Variants in RNF152 observed in about 807,000 individuals in gnomAD.
The protein encoded by RNF152 is E3 ubiquitin-protein ligase RNF152.
Under a neutral mutation model 12.7 loss-of-function variants are expected in RNF152, and 11 were observed. The ratio of observed to expected loss-of-function variants is 0.86; its 90% CI spans 0.54 to 1.43. The LOEUF (loss-of-function observed/expected upper bound fraction) is 1.43. Among genes scored for constraint, RNF152 ranks in the 40% most tolerant of loss-of-function variants. The pLI, the probability that RNF152 is intolerant of heterozygous loss-of-function variation, is 0.00. For synonymous variants in RNF152, 113 were observed against 120.3 expected, an observed-to-expected ratio of 0.94 and a Z score of 0.40; for missense variants, 255 against 274.8, an observed-to-expected ratio of 0.93 and a Z score of 0.51.
chr18:61,849,428 G>A (rs142714696), intron 1 of RNF152, among the ~76,000 whole-genome samples: 45 of 152,232 alleles, frequency 3.0e-4, no homozygotes, highest in African/African-American at 1.0e-3. Flanking sequence ...GCCAATCCCT[G>A]AGCAATTACA....
intron 1 of RNF152, among the ~76,000 whole-genome samples, chr18:61,870,711 C>G (rs1911951336): frequency 6.6e-6 from 1 of 152,108 alleles, no homozygotes; most frequent in African/African-American, 2.4e-5. Flanking sequence ...GTTTATGGAC[C>G]TCATTTCTTT....
intron 1 of RNF152, among the ~76,000 whole-genome samples, chr18:61,879,259 G>GTGTTTACATTTACATCA (rs1415364187): frequency 1.3e-5 from 2 of 152,186 alleles, no homozygotes; most frequent in Admixed American, 6.5e-5. Context: ...CATTTATATT[G>GTGTTTACATTTACATCA]TGTTTACATT....
chr18:61,857,163 C>T (rs2144707419), intron 1 of RNF152, among the ~76,000 whole-genome samples: 1 of 152,288 alleles, frequency 6.6e-6, no homozygotes, highest in East Asian at 1.9e-4. Flanking sequence ...CATTATACGT[C>T]AGGGTTCAAG....
At chr18:61,876,860 C>T (rs983872453) in intron 1 of RNF152, among the ~76,000 whole-genome samples, 1 of 152,144 alleles carries the variant, frequency 6.6e-6, no homozygotes, top group Non-Finnish European at 1.5e-5. Flanking sequence ...TATGCAAATG[C>T]TTTATATGGG....
Position 61,811,800 on chromosome 18 carries a change from A to G in RNF152, c.*4052T>C, listed in dbSNP as rs1326740359. ...GACCCTAGACACAATTTCACAGTAC[A>G]GATCATGCATAGCTTGCAAGTCAAA... On this transcript the variant is annotated 3_prime_UTR_variant, in exon 2 of 2. Coordinates refer to ENST00000312828, the MANE Select transcript of RNF152 (RefSeq NM_173557.3). 2.0e-5 allele frequency: 3 copies of G among 152,326 alleles called. No homozygotes were observed. Among genetic ancestry groups the G allele is most frequent in the East Asian group, 3.9e-4 (2 of 5,180 alleles). The allele number at this position is 152,326 out of a possible 1,614,324, so 9.4% of individuals were successfully genotyped here. A position where few individuals can be genotyped will look rare whatever the true frequency, so the allele number is the denominator to read the frequency against.
chr18:61,821,265 T>C (rs1333770990), intron 1 of RNF152, among the ~76,000 whole-genome samples: 1 of 152,214 alleles, frequency 6.6e-6, no homozygotes, highest in Non-Finnish European at 1.5e-5. Flanking sequence ...CCCTTAAAAT[T>C]AGATTATCCT....
At chr18:61,819,260 CAGATCCCACAGGGAGGGG>C (rs1470460846) in intron 1 of RNF152, among the ~76,000 whole-genome samples, 1 of 152,186 alleles carries the variant, frequency 6.6e-6, no homozygotes, top group African/African-American at 2.4e-5. Flanking sequence ...CCAGGGATAG[CAGATCCCACAGGGAGGGG>C]AGAAATGAGC....
intron 1 of RNF152, chr18:61,890,216 C>G (rs955013331): frequency 6.6e-6 from 1 of 152,360 alleles, no homozygotes. Flanking sequence ...CCATAGGACA[C>G]ACTTTCTAAC....
In RNF152 at chr18:61,809,775, G is replaced by A. The variant is rs1173086795; in HGVS notation, c.*6077C>T. 1 of 148,468 alleles carries A rather than the reference G, an allele frequency of 6.7e-6. No homozygotes were observed. Among genetic ancestry groups the A allele is most frequent in the African/African-American group, 2.5e-5 (1 of 40,124 alleles). The allele number at this position is 148,468 out of a possible 1,614,324, so 9.2% of individuals were successfully genotyped here. ...AACCTTAGATTAGAATAATAAAATC[G>A]AGCTAATGAGATGAGTATTTCAAGC... On this transcript the variant is annotated 3_prime_UTR_variant, in exon 2 of 2. Coordinates refer to ENST00000312828, the MANE Select transcript of RNF152 (RefSeq NM_173557.3).
chr18:61,838,643 G>C (rs1398003304), intron 1 of RNF152, among the ~76,000 whole-genome samples: 1 of 152,162 alleles, frequency 6.6e-6, no homozygotes, highest in South Asian at 2.1e-4. Context: ...TCCCCAGACA[G>C]CACTAACATT....
At chr18:61,826,090 G>A (rs1358922412) in intron 1 of RNF152, among the ~76,000 whole-genome samples, 3 of 152,156 alleles carry the variant, frequency 2.0e-5, no homozygotes, top group Admixed American at 6.5e-5. Flanking sequence ...GTATCTCAAG[G>A]AATGAGCAAG....
chr18:61,836,066 A>C (rs958581568), intron 1 of RNF152, among the ~76,000 whole-genome samples: 7 of 152,216 alleles, frequency 4.6e-5, no homozygotes, highest in African/African-American at 1.7e-4. Flanking sequence ...AAAGGCCTAG[A>C]AACAGTGACA....
At chr18:61,876,176 C>T (rs1184923592) in intron 1 of RNF152, among the ~76,000 whole-genome samples, 1 of 152,186 alleles carries the variant, frequency 6.6e-6, no homozygotes, top group East Asian at 1.9e-4. Flanking sequence ...TTACTGTCTA[C>T]CCTTCACGGG....
intron 1 of RNF152, among the ~76,000 whole-genome samples, chr18:61,818,438 C>A (rs28617477): frequency 1.3e-5 from 2 of 150,580 alleles, no homozygotes; most frequent in South Asian, 2.1e-4. Context: ...AAAAAAAAAA[C>A]AAAAAACAAA....
intron 1 of RNF152, among the ~76,000 whole-genome samples, chr18:61,844,098 G>GAAAGAAAGAAAGAAAGAAAGAA (rs759892464): frequency 0.015 from 1,824 of 123,758 alleles, 43 homozygotes; most frequent in Non-Finnish European, 0.02. Flanking sequence ...AAGAAAGAAA[G>GAAAGAAAGAAAGAAAGAAAGAA]AAAGAAAGAA....
chr18:61,829,647 G>C (rs1000991952), intron 1 of RNF152, among the ~76,000 whole-genome samples: 1 of 151,650 alleles, frequency 6.6e-6, no homozygotes, highest in Non-Finnish European at 1.5e-5. Context: ...GAGTGAAGAG[G>C]GGAGGACCAG....
chr18:61,872,434 T>A (rs1357368561), intron 1 of RNF152, among the ~76,000 whole-genome samples: 1 of 152,210 alleles, frequency 6.6e-6, no homozygotes, highest in Non-Finnish European at 1.5e-5. Flanking sequence ...TGTTTAAAAA[T>A]CTTACTATCA....
intron 1 of RNF152, among the ~76,000 whole-genome samples, chr18:61,837,727 C>T (rs1910254557): frequency 6.6e-6 from 1 of 152,196 alleles, no homozygotes. Context: ...AGAAAAGCTG[C>T]CAATAGCCCT....
chr18:61,879,663 T>C (rs1450549203), intron 1 of RNF152, among the ~76,000 whole-genome samples: 1 of 152,082 alleles, frequency 6.6e-6, no homozygotes, highest in Non-Finnish European at 1.5e-5. Context: ...GAGGGAGGAT[T>C]GTAAAAACAT....
Sources: allele counts gnomAD v4.1 joint callset (sites outside exome capture counted in the v4.1 genomes callset), GRCh38; gene constraint gnomAD v4.1.1; transcripts MANE v1.5; gene names NCBI Gene and HGNC (gene_info 2026-07-23, HGNC 2026-07-21).